SEC14L1: variants seen among roughly 807,000 people sequenced by gnomAD.
SEC14L1 encodes the protein SEC14 like lipid binding 1.
Under a neutral mutation model 85.3 loss-of-function variants are expected in SEC14L1, and 48 were observed. The observed-to-expected ratio is 0.56, with a 90% confidence interval of 0.45 to 0.72. The LOEUF is 0.72. SEC14L1 is among the 30% of genes least tolerant of loss of function. SEC14L1 has a pLI of 0.00. For missense variants in SEC14L1, 682 were observed against 921.4 expected, an observed-to-expected ratio of 0.74 and a Z score of 3.36; for synonymous variants, 391 against 355.5, an observed-to-expected ratio of 1.10 and a Z score of -1.12.
At position 77,214,177 on chromosome 17, in the gene SEC14L1, A is replaced by G; in HGVS notation, c.*154A>G. ...ATGGTAAACGTAGTCGTTTGATCCC[A>G]AAACTACCTTGGCAGGTAGTTTTAA... On this transcript the variant is annotated 3_prime_UTR_variant, in exon 17 of 17. Transcript: ENST00000436233. The G allele has an allele frequency of 7.0e-7, 1 of 1,419,420 alleles. No homozygotes were observed. The highest frequency in any genetic ancestry group is 1.5e-5 in the South Asian group (1 of 65,302). 87.9% of individuals were successfully genotyped at this position (1,419,420 alleles called of 1,614,324 possible). A position where few individuals can be genotyped will look rare whatever the true frequency, so the allele number is the denominator to read the frequency against.
intron 3 of SEC14L1, among the ~76,000 whole-genome samples, chr17:77,162,534 TAAA>T (rs1268790077): frequency 6.6e-6 from 1 of 152,032 alleles, no homozygotes. Flanking sequence ...GTGGAAAGGT[TAAA>T]AAAATGTGTT....
chr17:77,102,273 C>A (rs1971795249), intron 3 of SEC14L1, among the ~76,000 whole-genome samples: 1 of 152,162 alleles, frequency 6.6e-6, no homozygotes, highest in Non-Finnish European at 1.5e-5. Flanking sequence ...AATCAGGTGA[C>A]AGCTGAAGTT....
chr17:77,123,587 T>A (rs929614748), intron 3 of SEC14L1, among the ~76,000 whole-genome samples: 1 of 145,564 alleles, frequency 6.9e-6, no homozygotes, highest in Non-Finnish European at 1.5e-5. Context: ...ATTTTCTTTG[T>A]TTTTTTTTTG....
intron 3 of SEC14L1, among the ~76,000 whole-genome samples, chr17:77,105,888 C>A (rs1054306507): frequency 6.6e-6 from 1 of 151,944 alleles, no homozygotes; most frequent in Non-Finnish European, 1.5e-5. Context: ...GACAATCTTC[C>A]CTAGTGCAAA....
At chr17:77,197,635 A>G (rs762587953) in intron 8 of SEC14L1, among the ~76,000 whole-genome samples, 31 of 151,388 alleles carry the variant, frequency 2.0e-4, no homozygotes, top group Non-Finnish European at 4.3e-4. Flanking sequence ...TTTTTTATAT[A>G]TGTATACAGA....
chr17:77,173,606 T>A (rs1175950874), intron 3 of SEC14L1, among the ~76,000 whole-genome samples: 1 of 152,214 alleles, frequency 6.6e-6, no homozygotes, highest in Non-Finnish European at 1.5e-5. Context: ...GTTATTCACA[T>A]ACTCTATTAA....
chr17:77,104,636 C>T (rs1971863584), intron 3 of SEC14L1, among the ~76,000 whole-genome samples: 1 of 150,052 alleles, frequency 6.7e-6, no homozygotes, highest in Non-Finnish European at 1.5e-5. Context: ...ACTAAAAATA[C>T]AAAAATTAGC....
intron 3 of SEC14L1, among the ~76,000 whole-genome samples, chr17:77,174,899 T>G (rs1284704105): frequency 6.6e-6 from 1 of 152,270 alleles, no homozygotes; most frequent in African/African-American, 2.4e-5. Flanking sequence ...CCTAACGCAG[T>G]TCCTGTCGGT....
At chr17:77,156,540 A>C (rs1973823609) in intron 3 of SEC14L1, among the ~76,000 whole-genome samples, 1 of 150,880 alleles carries the variant, frequency 6.6e-6, no homozygotes, top group African/African-American at 2.4e-5. Flanking sequence ...ACACCACTGC[A>C]CTCCAGACTG....
chr17:77,103,590 C>T (rs1055016612), intron 3 of SEC14L1, among the ~76,000 whole-genome samples: 3 of 148,108 alleles, frequency 2.0e-5, no homozygotes, highest in Non-Finnish European at 3.0e-5. Flanking sequence ...TACAGGCATG[C>T]GCCCCCATGC....
Position 77,216,574 on chromosome 17 carries a change from A to G in SEC14L1, c.*2551A>G. Reference sequence around the variant, plus strand: ...ATGGCGATTTTGCTGACAGCTGCCAAGAAAATGCTTCACTCAACAGTCCTC... The same window carrying G: ...ATGGCGATTTTGCTGACAGCTGCCAGGAAAATGCTTCACTCAACAGTCCTC... On this transcript the variant is annotated 3_prime_UTR_variant, in exon 17 of 17. Transcript: ENST00000436233. 1 of 1,613,340 alleles carries G rather than the reference A, an allele frequency of 6.2e-7. No individual in the cohort carries two copies. Among genetic ancestry groups the G allele is most frequent in the Middle Eastern group, 1.7e-4 (1 of 6,058 alleles).
At chr17:77,099,713 C>T (rs1448968806) in intron 3 of SEC14L1, among the ~76,000 whole-genome samples, 1 of 152,026 alleles carries the variant, frequency 6.6e-6, no homozygotes. Flanking sequence ...CTGAGATCAC[C>T]CCACTGCATT....
At chr17:77,186,973 G>A (rs968337386) in intron 3 of SEC14L1, among the ~76,000 whole-genome samples, 8 of 152,080 alleles carry the variant, frequency 5.3e-5, no homozygotes, top group African/African-American at 1.4e-4. Context: ...TTCTAACCTC[G>A]CCTCATTTTT....
intron 10 of SEC14L1, 119 bp from the exon 11 acceptor site, chr17:77,205,157 A>C: frequency 1.3e-6 from 1 of 785,052 alleles, no homozygotes; most frequent in South Asian, 1.6e-5. Flanking sequence ...TCCATAGGTG[A>C]CTTTTTTGAT....
intron 3 of SEC14L1, among the ~76,000 whole-genome samples, chr17:77,164,939 C>T (rs1974220619): frequency 6.6e-6 from 1 of 152,180 alleles, no homozygotes; most frequent in Admixed American, 6.6e-5. Flanking sequence ...AATTCGCTTC[C>T]TGACATGAAT....
At chr17:77,104,142 A>G (rs1226703366) in intron 3 of SEC14L1, among the ~76,000 whole-genome samples, 9 of 141,078 alleles carry the variant, frequency 6.4e-5, no homozygotes, top group Middle Eastern at 7.2e-3. Flanking sequence ...TTTTTTTGAG[A>G]CAGAGTCTCC....
intron 2 of SEC14L1, chr17:77,089,432 C>T (rs1476389460): frequency 3.9e-6 from 2 of 518,976 alleles, no homozygotes; most frequent in African/African-American, 1.9e-5. Context: ...TTTGAATTTG[C>T]AGTAACAGGT....
intron 3 of SEC14L1, among the ~76,000 whole-genome samples, chr17:77,107,947 T>C (rs1407170835): frequency 1.3e-5 from 2 of 152,164 alleles, no homozygotes; most frequent in Non-Finnish European, 2.9e-5. Flanking sequence ...TCTCACTATG[T>C]TGCCCAGGCT....
intron 3 of SEC14L1, among the ~76,000 whole-genome samples, chr17:77,102,937 G>C (rs1251709266): frequency 1.3e-5 from 2 of 152,076 alleles, no homozygotes; most frequent in Non-Finnish European, 1.5e-5. Flanking sequence ...AAGTAGCTGG[G>C]ACTATACAGG....
Sources: gnomAD v4.1 joint callset for allele counts (sites outside exome capture counted in the v4.1 genomes callset) on GRCh38, gnomAD v4.1.1 for gene constraint, MANE v1.5 for transcripts, NCBI Gene and HGNC (gene_info 2026-07-23, HGNC 2026-07-21) for gene names.